The following COPS3 variants were observed in gnomAD, a reference collection of about 807,000 sequenced individuals.
COPS3 encodes the protein COP9 signalosome subunit 3.
In COPS3, 10 loss-of-function variants were observed where a neutral mutation model predicts 58.2. That is an observed-to-expected ratio of 0.17 (90% CI 0.11 to 0.29). The LOEUF is 0.29. Among genes scored for constraint, COPS3 ranks in the 10% least tolerant of loss-of-function variants. The pLI is 1.00. For missense variants in COPS3, 333 were observed against 510.1 expected, an observed-to-expected ratio of 0.65 and a Z score of 3.34; for synonymous variants, 187 against 181.7, an observed-to-expected ratio of 1.03 and a Z score of -0.24.
At chr17:17,273,078 AT>A (rs1435757940) in intron 2 of COPS3, among the ~76,000 whole-genome samples, 1 of 152,150 alleles carries the variant, frequency 6.6e-6, no homozygotes, top group African/African-American at 2.4e-5. Context: ...AAATTGGGAT[AT>A]TGTGGTTGTC....
intron 5 of COPS3, among the ~76,000 whole-genome samples, chr17:17,265,318 T>TCGGA (rs1218037093): frequency 3.3e-5 from 5 of 152,170 alleles, no homozygotes; most frequent in Non-Finnish European, 7.3e-5. Context: ...TTTCAAATTT[T>TCGGA]TGGATTGGGT....
chr17:17,278,951 T>C (rs1473293452), intron 1 of COPS3, among the ~76,000 whole-genome samples: 2 of 151,552 alleles, frequency 1.3e-5, no homozygotes, highest in Non-Finnish European at 2.9e-5. Context: ...CTTGGCTCAC[T>C]GCAAGCTCCA....
chr17:17,277,233 G>A (rs2048479377), intron 1 of COPS3, among the ~76,000 whole-genome samples: 1 of 152,132 alleles, frequency 6.6e-6, no homozygotes, highest in South Asian at 2.1e-4. Flanking sequence ...TGGCTAAGCT[G>A]GGTATCTGCC....
intron 9 of COPS3, 56 bp from the exon 10 acceptor site, chr17:17,249,095 GAA>G (rs1269936889): frequency 1.1e-6 from 1 of 901,706 alleles, no homozygotes; most frequent in Non-Finnish European, 1.8e-6. Context: ...AATGCTATAT[GAA>G]TAGTCATCCA....
chr17:17,266,654 C>T (rs1214589087), intron 5 of COPS3, among the ~76,000 whole-genome samples: 1 of 151,792 alleles, frequency 6.6e-6, no homozygotes, highest in Non-Finnish European at 1.5e-5. Context: ...CAAAAATTAG[C>T]CGGGTGTAGT....
chr17:17,248,375 G>A (rs893200081), intron 10 of COPS3, among the ~76,000 whole-genome samples: 42 of 152,050 alleles, frequency 2.8e-4, no homozygotes, highest in African/African-American at 8.5e-4. Context: ...GTGCAGTGGC[G>A]CAATCTCAGC....
chr17:17,253,937 G>A (rs1019611098), intron 9 of COPS3, among the ~76,000 whole-genome samples: 29 of 152,124 alleles, frequency 1.9e-4, no homozygotes, highest in African/African-American at 6.8e-4. Flanking sequence ...GTTGCAGTGA[G>A]CTAAGATCAC....
At chr17:17,258,774 G>A (rs1214372643) in intron 8 of COPS3, among the ~76,000 whole-genome samples, 1 of 151,992 alleles carries the variant, frequency 6.6e-6, no homozygotes, top group Non-Finnish European at 1.5e-5. Context: ...AGGTCAAGCT[G>A]GTTTTTCTGG....
At chr17:17,250,408 C>T (rs974990289) in intron 9 of COPS3, among the ~76,000 whole-genome samples, 1 of 152,008 alleles carries the variant, frequency 6.6e-6, no homozygotes, top group Non-Finnish European at 1.5e-5. Context: ...GTATGTGCCA[C>T]GATGCCCAGC....
At chr17:17,271,850 A>ATC (rs1452714727) in intron 2 of COPS3, among the ~76,000 whole-genome samples, 2 of 143,026 alleles carry the variant, frequency 1.4e-5, no homozygotes, top group East Asian at 2.0e-4. Flanking sequence ...CTATATATAT[A>ATC]TATATATACA....
intron 6 of COPS3, among the ~76,000 whole-genome samples, chr17:17,263,279 C>T (rs2048145711): frequency 8.7e-6 from 1 of 114,846 alleles, no homozygotes; most frequent in East Asian, 3.0e-4. Context: ...CAGAGCAAGA[C>T]TCCATTTCAA....
At chr17:17,248,793 T>C in intron 10 of COPS3, 133 bp downstream of exon 10, 1 of 596,440 alleles carries the variant, frequency 1.7e-6, no homozygotes, top group Non-Finnish European at 2.9e-6. Flanking sequence ...AAACTAACTT[T>C]CTAGTAACTA....
At chr17:17,255,624 G>A (rs2047954645) in intron 8 of COPS3, among the ~76,000 whole-genome samples, 1 of 151,604 alleles carries the variant, frequency 6.6e-6, no homozygotes, top group Non-Finnish European at 1.5e-5. Flanking sequence ...TGGATCAATT[G>A]AGGTCAAGAG....
intron 8 of COPS3, among the ~76,000 whole-genome samples, chr17:17,255,795 G>C (rs150564546): frequency 6.6e-6 from 1 of 150,698 alleles, no homozygotes; most frequent in Non-Finnish European, 1.5e-5. Flanking sequence ...AGCCGAGATC[G>C]CGTGATTCAC....
At chr17:17,274,503 C>T (rs1404796793) in intron 2 of COPS3, among the ~76,000 whole-genome samples, 2 of 150,820 alleles carry the variant, frequency 1.3e-5, no homozygotes, top group Admixed American at 6.6e-5. Flanking sequence ...CAGCTCACTG[C>T]AACCTCCGCC....
chr17:17,264,718 G>C, intron 6 of COPS3, 84 bp downstream of exon 6: 3 of 1,196,064 alleles, frequency 2.5e-6, no homozygotes, highest in Non-Finnish European at 3.5e-6. Context: ...CCTGGGATCA[G>C]ACCACTCTAG....
At chr17:17,255,363 A>C (rs909669719) in intron 8 of COPS3, among the ~76,000 whole-genome samples, 1 of 151,702 alleles carries the variant, frequency 6.6e-6, no homozygotes, top group Non-Finnish European at 1.5e-5. Context: ...CTGTAGTCCC[A>C]GCTACTTGGG....
chr17:17,257,189 C>T (rs1410231045), intron 8 of COPS3, among the ~76,000 whole-genome samples: 1 of 151,824 alleles, frequency 6.6e-6, no homozygotes, highest in East Asian at 1.9e-4. Context: ...CATGGCGAAA[C>T]CCCGTGTCTA....
chr17:17,262,089 G>A lies in COPS3; in HGVS notation c.639C>T (p.Ala213=), dbSNP rs1361566714. ...CCAACATGATATGACTGACCGCCAT[G>A]GCAGGAGTAGTTATAGCCTAGGCAA... is the stretch of plus-strand genomic sequence containing the variant. ...YFYEQAITTP[A]MAVSHIMLES... Residue 213 remains alanine (A), a synonymous_variant, in exon 7 of 12, where the codon GCC becomes GCT. Coordinates refer to ENST00000268717, the MANE Select transcript of COPS3 (RefSeq NM_003653.4). The A allele has an allele frequency of 6.2e-7, 1 of 1,610,236 alleles. No individual in the cohort carries two copies. The highest frequency in any genetic ancestry group is 1.7e-5 in the Admixed American group (1 of 58,500).
Sources: allele counts gnomAD v4.1 joint callset (sites outside exome capture counted in the v4.1 genomes callset), GRCh38; gene constraint gnomAD v4.1.1; transcripts MANE v1.5; gene names NCBI Gene and HGNC (gene_info 2026-07-23, HGNC 2026-07-21).